The following DNMT3A variants were observed in gnomAD, a reference collection of about 807,000 sequenced individuals.
DNMT3A encodes the protein DNA methyltransferase 3 alpha.
In DNMT3A, 267 loss-of-function variants were observed where a neutral mutation model predicts 117.6. That is an observed-to-expected ratio of 2.27 (90% CI 2.05 to 2.51). The LOEUF is 2.51. Among genes scored for constraint, DNMT3A ranks in the 30% most tolerant of loss-of-function variants. The probability of loss-of-function intolerance (pLI) is 0.00; values close to 1 mark genes in which losing one functional copy is unlikely to be tolerated. For missense variants in DNMT3A, 1,029 were observed against 1,260.2 expected (o/e 0.82, Z 2.78); for synonymous variants, 432 against 474.8 (o/e 0.91, Z 1.17).
intron 6 of DNMT3A, among the ~76,000 whole-genome samples, chr2:25,264,530 C>T (rs905152402): frequency 4.8e-4 from 72 of 151,222 alleles, no homozygotes; most frequent in Non-Finnish European, 6.0e-4. Context: ...TGCAGTGGTG[C>T]GATCTCGGCT....
rs181313624 is a variant in DNMT3A at position 25,238,564 on chromosome 2, A to C, written c.2408+566T>G. The stretch of plus-strand genomic sequence containing the variant: ...GCCTTTTTATAATGCCAGTTTTATA[A>C]CTGATGAAATGAATTTTCTTCATTC... On this transcript the variant is annotated intron_variant, in intron 20 of 22. Transcript: ENST00000321117. Among the ~76,000 whole-genome samples the C allele has an allele frequency of 3.0e-3, 457 of 152,330 alleles. 3 individuals are homozygous for C. The highest frequency in any genetic ancestry group is 0.011 in the African/African-American group (438 of 41,564).
intron 3 of DNMT3A, among the ~76,000 whole-genome samples, chr2:25,284,089 C>G (rs2032096329): frequency 1.3e-5 from 2 of 152,202 alleles, no homozygotes; most frequent in African/African-American, 2.4e-5. Flanking sequence ...GGCAGGGGTC[C>G]CCATGGCTCG....
Position 25,308,878 on chromosome 2 carries a change from C to T in DNMT3A, c.72+5035G>A, listed in dbSNP as rs755453688. On this transcript the variant is annotated intron_variant, in intron 2 of 22. Coordinates refer to ENST00000321117, the MANE Select transcript of DNMT3A (RefSeq NM_022552.5). ...TGCAGACCAGAGTGGAGAGAGCCCA[C>T]GAGAAATCAGTGGCTGCCAGGCCTC... Among the ~76,000 whole-genome samples the T allele has an allele frequency of 3.3e-5, 5 of 151,936 alleles. No individual in the cohort carries two copies. The South Asian group carries it at 6.2e-4, about 19-fold the overall frequency.
In DNMT3A at chr2:25,258,022, C is replaced by G. The variant is rs1178311842; in HGVS notation, c.640-9770G>C. Among the ~76,000 whole-genome samples the G allele has an allele frequency of 3.3e-5, 5 of 152,318 alleles. 1 individual carries two copies. In the South Asian group the frequency reaches 1.0e-3, roughly 32 times the overall value. On this transcript the variant is annotated intron_variant, in intron 6 of 22. Transcript: ENST00000321117. ...CGTCCCAGGTGAGCCCTCCTCTGGGCCTTTCCCACCTGCTCCCTGATCAAG... is the reference window on the plus strand; with the variant it reads ...CGTCCCAGGTGAGCCCTCCTCTGGGGCTTTCCCACCTGCTCCCTGATCAAG...
In DNMT3A at chr2:25,240,305, G is replaced by A. The variant is rs1553410528; in HGVS notation, c.2319C>T (p.Leu773=). 2 of 1,614,046 alleles carry A rather than the reference G, an allele frequency of 1.2e-6. No individual in the cohort carries two copies. The highest frequency in any genetic ancestry group is 1.7e-6 in the Non-Finnish European group (2 of 1,180,028). Reference sequence around the variant, plus strand: ...AAACCAAGGTTGCTGGCTATACCTCGAGAAATCGCGAGATGTCCCTCTTGT... The same window carrying A: ...AAACCAAGGTTGCTGGCTATACCTCAAGAAATCGCGAGATGTCCCTCTTGT... ...VSDKRDISRF[L]ESNPVMIDAK... Residue 773 remains leucine (L), a synonymous_variant, in exon 19 of 23, where the codon CTC becomes CTT. Coordinates refer to ENST00000321117, the MANE Select transcript of DNMT3A (RefSeq NM_022552.5).
At chr2:25,341,790 C>T (rs2149459161) in intron 1 of DNMT3A, 36 bp downstream of exon 1, 1 of 978,736 alleles carries the variant, frequency 1.0e-6, no homozygotes, top group East Asian at 1.2e-4. Context: ...CGCCTCCGGG[C>T]CGGCCTTCCG....
At chr2:25,340,085 C>G (rs2035354909) in intron 1 of DNMT3A, among the ~76,000 whole-genome samples, 2 of 152,254 alleles carry the variant, frequency 1.3e-5, no homozygotes, top group Non-Finnish European at 2.9e-5. Context: ...AGGCTTCTGT[C>G]CCCGCTGGTT....
At chr2:25,243,122 C>A (rs989267892) in intron 16 of DNMT3A, among the ~76,000 whole-genome samples, 3 of 151,952 alleles carry the variant, frequency 2.0e-5, no homozygotes, top group African/African-American at 7.3e-5. Context: ...CTGGCCAACA[C>A]GGTGAAACAC....
At chr2:25,325,821 C>T (rs2034765425) in intron 1 of DNMT3A, among the ~76,000 whole-genome samples, 1 of 152,208 alleles carries the variant, frequency 6.6e-6, no homozygotes, top group Non-Finnish European at 1.5e-5. Flanking sequence ...TTCTCTCAGG[C>T]ACCTCTTAAG....
At chr2:25,303,613 C>T (rs2033632429) in intron 2 of DNMT3A, among the ~76,000 whole-genome samples, 1 of 152,242 alleles carries the variant, frequency 6.6e-6, no homozygotes, top group Non-Finnish European at 1.5e-5. Context: ...ATTCAGGCCC[C>T]GCATGCTTCT....
At position 25,247,948 on chromosome 2, in the gene DNMT3A, G is replaced by T; in HGVS notation, c.855+89C>A. The T allele has an allele frequency of 6.3e-7, 1 of 1,579,256 alleles. No individual in the cohort carries two copies. Among genetic ancestry groups the T allele is most frequent in the South Asian group, 1.1e-5 (1 of 88,982 alleles). On this transcript the variant is annotated intron_variant, in intron 7 of 22. Coordinates refer to ENST00000321117, the MANE Select transcript of DNMT3A (RefSeq NM_022552.5). This position sits in a 1 kb window ranked among gnomAD's most constrained non-coding sequence, Gnocchi z 5.6. ...GGTGGAGAGAGCGAGCGGCCCGTGG[G>T]AGATGGAGAGAGGAGAGCAGGACGG...
rs183440442 is a variant in DNMT3A at position 25,259,774 on chromosome 2, C to G, written c.640-11522G>C. Among the ~76,000 whole-genome samples the G allele has an allele frequency of 2.9e-3, 443 of 152,244 alleles. 2 individuals carry two copies. The highest frequency in any genetic ancestry group is 0.01 in the African/African-American group (418 of 41,536). On this transcript the variant is annotated intron_variant, in intron 6 of 22. Transcript: ENST00000321117. ...GTCAAAGGGAGGGGCCTAAAGGAGC[C>G]GCATTCAGATTCAGGCATGCAGACC... is the stretch of plus-strand genomic sequence containing the variant.
At chr2:25,325,590 C>T (rs2034756193) in intron 1 of DNMT3A, among the ~76,000 whole-genome samples, 1 of 152,144 alleles carries the variant, frequency 6.6e-6, no homozygotes, top group Admixed American at 6.5e-5. Context: ...ACCTCGTCCT[C>T]GGGGGAGAGT....
rs2034472781 is a variant in DNMT3A, at chr2:25,318,681, ATTTTCTTTTTTC to A, written c.-177-4532_-177-4521del. ...TTAAGTGTGAGAGTAAAATAAAGAC[ATTTTCTTTTTTC>A]TTTTCTTTTTTTTTTTTTTTTTGAG... On this transcript the variant is annotated intron_variant, in intron 1 of 22. Coordinates refer to ENST00000321117, the MANE Select transcript of DNMT3A (RefSeq NM_022552.5). Among the ~76,000 whole-genome samples the A allele has an allele frequency of 2.7e-5, 4 of 147,632 alleles. No homozygotes were observed. In the South Asian group the frequency reaches 8.6e-4, roughly 32 times the overall value.
Position 25,240,727 on chromosome 2 carries a change from G to A in DNMT3A, c.2086C>T (p.Gln696Ter), listed in dbSNP as rs750325978. 2 of 1,614,002 alleles carry A rather than the reference G, an allele frequency of 1.2e-6. No individual in the cohort carries two copies. The highest frequency in any genetic ancestry group is 1.3e-5 in the African/African-American group (1 of 74,938). Reference protein sequence around the residue: ...DVRSVTQKHIQEWGPFDLVIG... With the variant: ...DVRSVTQKHI ...ACCAGATCGAATGGGCCCCACTCCT[G>A]GATCTGGGAGGATAAAGGCAACGTG... is the stretch of plus-strand genomic sequence containing the variant. The change falls in exon 18 of 23, where the codon CAG (glutamine) becomes TAG (stop). Residue 696 changes from glutamine (Q) to a stop codon, truncating the protein, a stop_gained. Coordinates refer to ENST00000321117, the MANE Select transcript of DNMT3A (RefSeq NM_022552.5). LOFTEE classifies it high-confidence loss of function.
chr2:25,244,547 AGTT>A lies in DNMT3A; in HGVS notation c.1657_1659del (p.Asn553del). 1 of 1,614,062 alleles carries A rather than the reference AGTT, an allele frequency of 6.2e-7. No homozygotes were observed. Among genetic ancestry groups the A allele is most frequent in the Non-Finnish European group, 8.5e-7 (1 of 1,179,886 alleles). The stretch of plus-strand genomic sequence containing the variant: ...AGGCCACAACAGCCTCACCTGCAGC[AGTT>A]GTTGTTTCCGCACATGAGCACCTCA... On this transcript the variant is annotated inframe_deletion, in exon 14 of 23. Coordinates refer to ENST00000321117, the MANE Select transcript of DNMT3A (RefSeq NM_022552.5).
At chr2:25,242,945 A>G (rs917611541) in intron 16 of DNMT3A, among the ~76,000 whole-genome samples, 11 of 152,130 alleles carry the variant, frequency 7.2e-5, no homozygotes, top group African/African-American at 2.7e-4. Flanking sequence ...AAATGACCTA[A>G]TAGGGGTTCG....
intron 1 of DNMT3A, among the ~76,000 whole-genome samples, chr2:25,336,500 T>G (rs980298663): frequency 6.6e-6 from 1 of 152,044 alleles, no homozygotes; most frequent in Non-Finnish European, 1.5e-5. Flanking sequence ...CACAACCCCC[T>G]GGGGTCAGTG....
rs1176851894 is a variant in DNMT3A, at chr2:25,252,100, A to C, written c.640-3848T>G. 5 of 1,476,820 alleles carry C rather than the reference A, an allele frequency of 3.4e-6. No homozygotes were observed. In the Admixed American group the frequency reaches 8.5e-5, roughly 25 times the overall value. 91.5% of individuals were successfully genotyped at this position (1,476,820 alleles called of 1,614,324 possible). Reference sequence around the variant, plus strand: ...GCTGCGGGCCGGGGAGGCATACTTCACTCTTTTCAAACCCGGAGGGCTGCG... The same window carrying C: ...GCTGCGGGCCGGGGAGGCATACTTCCCTCTTTTCAAACCCGGAGGGCTGCG... On this transcript the variant is annotated intron_variant, in intron 6 of 22. Coordinates refer to ENST00000321117, the MANE Select transcript of DNMT3A (RefSeq NM_022552.5). The surrounding 1 kb of genome is among the most constrained non-coding windows in gnomAD (Gnocchi z 5.5).
Sources: allele counts gnomAD v4.1 joint callset (sites outside exome capture counted in the v4.1 genomes callset), GRCh38; gene constraint gnomAD v4.1.1; non-coding constraint Gnocchi (gnomAD v3.1); transcripts MANE v1.5; gene names NCBI Gene and HGNC (gene_info 2026-07-23, HGNC 2026-07-21).